PARD3B: variants seen among roughly 807,000 people sequenced by gnomAD.
PARD3B encodes par-3 family cell polarity regulator beta, also known as partitioning defective 3 homolog B.
Under a neutral mutation model 130.2 loss-of-function variants are expected in PARD3B, and 103 were observed. The observed-to-expected ratio is 0.79, with a 90% CI of 0.67 to 0.93. The LOEUF (loss-of-function observed/expected upper bound fraction) is 0.93. Ranked by LOEUF, PARD3B falls within the 40% of genes least tolerant of loss-of-function variation. The probability of loss-of-function intolerance (pLI) is 0.00; values close to 1 mark genes in which losing one functional copy is unlikely to be tolerated. For missense variants in PARD3B, 1,609 were observed against 1,499.2 expected (o/e 1.07, Z -1.21); for synonymous variants, 583 against 553.2 (o/e 1.05, Z -0.76).
chr2:205,019,756 T>C (rs1696455776), intron 3 of PARD3B, among the ~76,000 whole-genome samples: 1 of 152,164 alleles, frequency 6.6e-6, no homozygotes, highest in Admixed American at 6.5e-5. Flanking sequence ...AAAGAAAAGT[T>C]TCAGCACAAC....
At chr2:205,235,215 G>T (rs965476199) in intron 15 of PARD3B, among the ~76,000 whole-genome samples, 94 of 152,230 alleles carry the variant, frequency 6.2e-4, no homozygotes, top group African/African-American at 2.2e-3. Flanking sequence ...GAGCGTAGGA[G>T]TTTGAGACCA....
At chr2:204,983,136 A>G (rs1047699680) in intron 3 of PARD3B, among the ~76,000 whole-genome samples, 3 of 152,122 alleles carry the variant, frequency 2.0e-5, no homozygotes, top group Non-Finnish European at 2.9e-5. Context: ...GACCTGAAGC[A>G]TTGATTCTGT....
intron 15 of PARD3B, among the ~76,000 whole-genome samples, chr2:205,220,077 T>G (rs1311798639): frequency 6.6e-6 from 1 of 152,158 alleles, no homozygotes; most frequent in Admixed American, 6.5e-5. Context: ...TTCCTGTATT[T>G]GGGTTCAAAA....
chr2:205,372,686 A>G (rs1436085142), intron 18 of PARD3B, among the ~76,000 whole-genome samples: 1 of 152,250 alleles, frequency 6.6e-6, no homozygotes, highest in African/African-American at 2.4e-5. Flanking sequence ...TAAAATTAAA[A>G]ACATTTTTAA....
At chr2:205,223,419 A>G (rs1266055329) in intron 15 of PARD3B, among the ~76,000 whole-genome samples, 2 of 152,214 alleles carry the variant, frequency 1.3e-5, no homozygotes, top group Non-Finnish European at 2.9e-5. Context: ...GGCAATTGCA[A>G]AAATTCAGCC....
intron 4 of PARD3B, among the ~76,000 whole-genome samples, chr2:205,059,835 T>C (rs900009236): frequency 1.3e-5 from 2 of 152,078 alleles, no homozygotes; most frequent in African/African-American, 4.8e-5. Context: ...AGCCACGTAA[T>C]ACTACCCAGC....
At chr2:205,393,113 T>C (rs139420247) in intron 18 of PARD3B, among the ~76,000 whole-genome samples, 1 of 152,310 alleles carries the variant, frequency 6.6e-6, no homozygotes, top group Non-Finnish European at 1.5e-5. Flanking sequence ...CACAAAACCA[T>C]ATGAGATTAC....
chr2:205,437,081 T>C (rs2047543351), intron 19 of PARD3B, among the ~76,000 whole-genome samples: 1 of 152,176 alleles, frequency 6.6e-6, no homozygotes, highest in South Asian at 2.1e-4. Flanking sequence ...GACTCCCTCC[T>C]TATTTTCAGT....
chr2:204,913,077 A>G (rs1374573804), intron 2 of PARD3B, among the ~76,000 whole-genome samples: 1 of 152,262 alleles, frequency 6.6e-6, no homozygotes, highest in African/African-American at 2.4e-5. Flanking sequence ...AATATTTCCT[A>G]AAGATGCGAT....
intron 1 of PARD3B, among the ~76,000 whole-genome samples, chr2:204,615,175 G>A (rs2034065528): frequency 6.6e-6 from 1 of 152,110 alleles, no homozygotes. Flanking sequence ...CAGGTAGTTG[G>A]AAAAGGGATG....
intron 20 of PARD3B, among the ~76,000 whole-genome samples, chr2:205,478,731 T>C (rs981296695): frequency 2.6e-5 from 4 of 152,204 alleles, no homozygotes; most frequent in African/African-American, 9.6e-5. Context: ...AATTCAAAGC[T>C]AAAGGTCAGC....
In PARD3B at chr2:204,985,208, C is replaced by A. The variant is rs116537824; in HGVS notation, c.394+19885C>A. Among the ~76,000 whole-genome samples the A allele has an allele frequency of 2.9e-3, 447 of 152,020 alleles. 2 individuals are homozygous for A. The highest frequency in any genetic ancestry group is 5.3e-3 in the Non-Finnish European group (363 of 67,966). The stretch of plus-strand genomic sequence containing the variant: ...TTCCTTCCCTCCTGCCTGTTTTTTC[C>A]CTCCCTTTAACTATCTCTCTCTACT... On this transcript the variant is annotated intron_variant, in intron 3 of 22. Coordinates refer to ENST00000406610, the MANE Select transcript of PARD3B (RefSeq NM_001302769.2).
intron 3 of PARD3B, 128 bp downstream of exon 3, chr2:204,965,451 AATT>A: frequency 9.4e-7 from 1 of 1,067,302 alleles, no homozygotes; most frequent in Non-Finnish European, 1.3e-6. Flanking sequence ...CTTTTCTTTA[AATT>A]ATTTTTTTAC....
Position 204,563,286 on chromosome 2 carries a change from A to C in PARD3B, c.120+17167A>C, listed in dbSNP as rs150818904. 5.8e-3 allele frequency among the ~76,000 whole-genome samples: 775 copies of C among 134,504 alleles called. 4 individuals are homozygous for C. Among genetic ancestry groups the C allele is most frequent in the African/African-American group, 0.02 (721 of 35,324 alleles). 88.2% of individuals were successfully genotyped at this position (134,504 alleles called of 152,430 possible). ...CTCTCTTTCTCTCTTCTCCCTTTATAAGGACACCAGTCATACTGGATTAGG... is the reference window on the plus strand; with the variant it reads ...CTCTCTTTCTCTCTTCTCCCTTTATCAGGACACCAGTCATACTGGATTAGG... On this transcript the variant is annotated intron_variant, in intron 1 of 22. Transcript: ENST00000406610.
intron 20 of PARD3B, among the ~76,000 whole-genome samples, chr2:205,497,319 C>A (rs990646871): frequency 1.3e-5 from 2 of 151,618 alleles, no homozygotes; most frequent in Non-Finnish European, 2.9e-5. Flanking sequence ...GAACCCTGTG[C>A]GAACTGTCAG....
rs2046409885 is a variant in PARD3B, at chr2:204,890,608, T to C, written c.223-74544T>C. The stretch of plus-strand genomic sequence containing the variant: ...TCCCCTTATAGTCTTTGTCTGAGGA[T>C]TTCACTATAAATGAAATTAGCTGAA... On this transcript the variant is annotated intron_variant, in intron 2 of 22. Coordinates refer to ENST00000406610, the MANE Select transcript of PARD3B (RefSeq NM_001302769.2). This position sits in a 1 kb window ranked among gnomAD's most constrained non-coding sequence, Gnocchi z 4.9. 6.6e-6 allele frequency among the ~76,000 whole-genome samples: 1 copy of C among 152,158 alleles called. No individual in the cohort carries two copies.
intron 5 of PARD3B, among the ~76,000 whole-genome samples, chr2:205,107,059 G>A (rs1029721978): frequency 6.6e-6 from 1 of 152,186 alleles, no homozygotes; most frequent in African/African-American, 2.4e-5. Flanking sequence ...CTTTGGGCAC[G>A]CATCCACGTA....
intron 1 of PARD3B, among the ~76,000 whole-genome samples, chr2:204,636,427 T>A (rs953161772): frequency 6.6e-6 from 1 of 151,362 alleles, no homozygotes; most frequent in Non-Finnish European, 1.5e-5. Flanking sequence ...CAGGCCTTTC[T>A]GAGCTAAGAC....
chr2:205,062,723 G>T (rs985064099), intron 4 of PARD3B, among the ~76,000 whole-genome samples: 3 of 152,156 alleles, frequency 2.0e-5, no homozygotes, highest in Admixed American at 6.5e-5. Flanking sequence ...ATTAAGAAAA[G>T]AATAAAATGT....
Sources: allele counts gnomAD v4.1 joint callset (sites outside exome capture counted in the v4.1 genomes callset), GRCh38; gene constraint gnomAD v4.1.1; non-coding constraint Gnocchi (gnomAD v3.1); transcripts MANE v1.5; gene names NCBI Gene and HGNC (gene_info 2026-07-23, HGNC 2026-07-21).